NCS1: variants seen among roughly 807,000 people sequenced by gnomAD.
NCS1 encodes the protein neuronal calcium sensor 1.
In NCS1, 6 loss-of-function variants were observed where a neutral mutation model predicts 28.4. The observed-to-expected ratio is 0.21, with a 90% CI of 0.12 to 0.42. The LOEUF is 0.42. Ranked by LOEUF, NCS1 falls within the 10% of genes least tolerant of loss-of-function variation. NCS1 has a pLI of 1.00. For missense variants in NCS1, 131 were observed against 241.4 expected, an observed-to-expected ratio of 0.54 and a Z score of 3.03; for synonymous variants, 86 against 99.3, an observed-to-expected ratio of 0.87 and a Z score of 0.79.
intron 6 of NCS1, 150 bp downstream of exon 6, chr9:130,223,309 C>G: frequency 1.5e-6 from 1 of 679,372 alleles, no homozygotes; most frequent in Non-Finnish European, 2.6e-6. Flanking sequence ...TGCTCAGCAG[C>G]TAGCCCCATC....
At chr9:130,221,746 T>A (rs1833305258) in intron 4 of NCS1, among the ~76,000 whole-genome samples, 1 of 141,072 alleles carries the variant, frequency 7.1e-6, no homozygotes, top group African/African-American at 2.6e-5. Flanking sequence ...TATTTTTAAT[T>A]TATAAATAAA....
rs927624678 is a variant in NCS1, at chr9:130,209,465, C to A, written c.90-8367C>A. Among the ~76,000 whole-genome samples the A allele has an allele frequency of 2.0e-5, 3 of 152,200 alleles. No homozygotes were observed. Among genetic ancestry groups the A allele is most frequent in the Admixed American group, 6.5e-5 (1 of 15,276 alleles). ...TGGACCCGTGTGTCCTGGGAGCATTCAATCATTGGTTCATTTGTTCACTGA... is the reference window on the plus strand; with the variant it reads ...TGGACCCGTGTGTCCTGGGAGCATTAAATCATTGGTTCATTTGTTCACTGA... On this transcript the variant is annotated intron_variant, in intron 2 of 7. Coordinates refer to ENST00000372398, the MANE Select transcript of NCS1 (RefSeq NM_014286.4). The surrounding 1 kb of genome is among the most constrained non-coding windows in gnomAD (Gnocchi z 4.4).
intron 1 of NCS1, chr9:130,193,726 G>A (rs575013239): frequency 9.5e-4 from 146 of 153,226 alleles, no homozygotes; most frequent in Non-Finnish European, 1.6e-3. Context: ...TGAGCTGGGC[G>A]CTTGGAGGAG....
intron 1 of NCS1, among the ~76,000 whole-genome samples, chr9:130,184,633 CTTTTT>C (rs1211385861): frequency 2.0e-5 from 3 of 151,920 alleles, no homozygotes; most frequent in African/African-American, 7.2e-5. Flanking sequence ...TTTTCTTTTT[CTTTTT>C]TTGTTTTGAG....
rs1554909997 is a variant in NCS1 at position 130,219,905 on chromosome 9, T to G, written c.307+102T>G. On this transcript the variant is annotated intron_variant, in intron 4 of 7. Coordinates refer to ENST00000372398, the MANE Select transcript of NCS1 (RefSeq NM_014286.4). The surrounding 1 kb of genome is among the most constrained non-coding windows in gnomAD (Gnocchi z 5.7). ...CCAGGCAGGGGTGCCAGACACCCACTGCAGTGACCACAGATGGCGTCCCAG... is the reference window on the plus strand; with the variant it reads ...CCAGGCAGGGGTGCCAGACACCCACGGCAGTGACCACAGATGGCGTCCCAG... 8.1e-7 allele frequency: 1 copy of G among 1,231,574 alleles called. No homozygotes were observed. The highest frequency in any genetic ancestry group is 1.2e-6 in the Non-Finnish European group (1 of 843,354). 76.3% of individuals were successfully genotyped at this position (1,231,574 alleles called of 1,614,324 possible).
At position 130,215,114 on chromosome 9, in the gene NCS1, C is replaced by T. The variant is rs1363522534; in HGVS notation, c.90-2718C>T. Among the ~76,000 whole-genome samples the T allele has an allele frequency of 3.3e-5, 5 of 152,160 alleles. No individual in the cohort carries two copies. Among genetic ancestry groups the T allele is most frequent in the Admixed American group, 6.5e-5 (1 of 15,272 alleles). ...TTGTGGATAAGTTAGAAGGTTTGCA[C>T]GAAGAAGAAGTAACCATCTGACATC... On this transcript the variant is annotated intron_variant, in intron 2 of 7. Transcript: ENST00000372398. This position sits in a 1 kb window ranked among gnomAD's most constrained non-coding sequence, Gnocchi z 4.2.
At chr9:130,179,995 TTATCTATCTATCTATCTATCTATCTATC>T (rs56120429) in intron 1 of NCS1, among the ~76,000 whole-genome samples, 19 of 145,262 alleles carry the variant, frequency 1.3e-4, no homozygotes, top group South Asian at 4.7e-4. Flanking sequence ...TGCCTTCTTT[TTATCTATCTATCTATCTATCTATCTATC>T]TATCTATCTA....
chr9:130,183,600 A>G (rs1286671064), intron 1 of NCS1, among the ~76,000 whole-genome samples: 1 of 151,786 alleles, frequency 6.6e-6, no homozygotes, highest in East Asian at 1.9e-4. Flanking sequence ...CGGCTCCCCC[A>G]CAGCCCTAGC....
intron 2 of NCS1, among the ~76,000 whole-genome samples, chr9:130,216,940 C>T (rs1465203439): frequency 2.0e-5 from 3 of 149,772 alleles, no homozygotes; most frequent in Non-Finnish European, 4.5e-5. Context: ...GTTAAACTGC[C>T]TACAGGAGCC....
Position 130,175,626 on chromosome 9 carries a change from G to A in NCS1, c.64+2899G>A, listed in dbSNP as rs1462116392. Among the ~76,000 whole-genome samples, 1 of 152,122 alleles carries A rather than the reference G, an allele frequency of 6.6e-6. No homozygotes were observed. The highest frequency in any genetic ancestry group is 2.4e-5 in the African/African-American group (1 of 41,426). ...AGAGGGGAGCCATGGGTCCACGTCC[G>A]AGTCGGTGCTGGGCAGTGTCCTTGG... On this transcript the variant is annotated intron_variant, in intron 1 of 7. Coordinates refer to ENST00000372398, the MANE Select transcript of NCS1 (RefSeq NM_014286.4). The surrounding 1 kb of genome is among the most constrained non-coding windows in gnomAD (Gnocchi z 4.9).
chr9:130,186,754 G>A lies in NCS1; in HGVS notation c.64+14027G>A, dbSNP rs115479515. ...AGCCCTGAGAGGGTCCCAAGGAGGT[G>A]TCAAGGTTTGGCAACTCTGGGGACA... is the stretch of plus-strand genomic sequence containing the variant. On this transcript the variant is annotated intron_variant, in intron 1 of 7. Coordinates refer to ENST00000372398, the MANE Select transcript of NCS1 (RefSeq NM_014286.4). This position sits in a 1 kb window ranked among gnomAD's most constrained non-coding sequence, Gnocchi z 4.1. 6.6e-6 allele frequency among the ~76,000 whole-genome samples: 1 copy of A among 152,190 alleles called. No homozygotes were observed. Among genetic ancestry groups the A allele is most frequent in the Non-Finnish European group, 1.5e-5 (1 of 68,028 alleles).
chr9:130,199,897 G>GTTCATTCATTCATTCATTCATTCA (rs71499223), intron 1 of NCS1, among the ~76,000 whole-genome samples: 15 of 150,506 alleles, frequency 1.0e-4, no homozygotes, highest in African/African-American at 1.5e-4. Flanking sequence ...CTGTTCATGT[G>GTTCATTCATTCATTCATTCATTCA]TTCATTCATT....
At position 130,186,818 on chromosome 9, in the gene NCS1, C is replaced by T. The variant is rs77181189; in HGVS notation, c.64+14091C>T. 1.8e-4 allele frequency among the ~76,000 whole-genome samples: 27 copies of T among 152,314 alleles called. No homozygotes were observed. In the East Asian group the frequency reaches 5.2e-3, roughly 29 times the overall value. ...TGACTGCAGCATAGAGGGCCTGTGG[C>T]CGTGAGGGTGCTGATGGCGGGAGGG... On this transcript the variant is annotated intron_variant, in intron 1 of 7. Transcript: ENST00000372398. This position sits in a 1 kb window ranked among gnomAD's most constrained non-coding sequence, Gnocchi z 4.1.
chr9:130,208,666 C>T (rs139301123), intron 2 of NCS1, among the ~76,000 whole-genome samples: 1 of 152,188 alleles, frequency 6.6e-6, no homozygotes, highest in Non-Finnish European at 1.5e-5. Flanking sequence ...ATTCTGTCCT[C>T]GCATCAACAC....
chr9:130,195,317 C>T (rs373783110), intron 1 of NCS1, among the ~76,000 whole-genome samples: 14 of 152,320 alleles, frequency 9.2e-5, no homozygotes, highest in South Asian at 2.1e-4. Context: ...GTCAGACCCC[C>T]GTTGGCCCTC....
In NCS1 at chr9:130,180,244, G is replaced by T. The variant is rs1216391395; in HGVS notation, c.64+7517G>T. 6.6e-6 allele frequency among the ~76,000 whole-genome samples: 1 copy of T among 152,184 alleles called. No individual in the cohort carries two copies. The highest frequency in any genetic ancestry group is 1.9e-4 in the East Asian group (1 of 5,162). ...AGATGGGGTCTTGCCATTTTGGCCA[G>T]GTTGGTCTCAAACTCCTAGCCTCAA... On this transcript the variant is annotated intron_variant, in intron 1 of 7. Coordinates refer to ENST00000372398, the MANE Select transcript of NCS1 (RefSeq NM_014286.4). The surrounding 1 kb of genome is among the most constrained non-coding windows in gnomAD (Gnocchi z 4.5).
chr9:130,204,524 A>G (rs1554907840), intron 2 of NCS1, among the ~76,000 whole-genome samples: 1 of 152,038 alleles, frequency 6.6e-6, no homozygotes, highest in Admixed American at 6.5e-5. Context: ...TCTGGCCTCA[A>G]GCAATCCTCC....
At position 130,181,829 on chromosome 9, in the gene NCS1, C is replaced by T. The variant is rs797042047; in HGVS notation, c.64+9102C>T. 2.0e-5 allele frequency among the ~76,000 whole-genome samples: 3 copies of T among 151,882 alleles called. No homozygotes were observed. Among genetic ancestry groups the T allele is most frequent in the African/African-American group, 4.8e-5 (2 of 41,396 alleles). ...CCGAGCGTGAGTGACGGGGTCATGG[C>T]GTGTGTCAGGAGTGGGTGAGCCGGG... On this transcript the variant is annotated intron_variant, in intron 1 of 7. Coordinates refer to ENST00000372398, the MANE Select transcript of NCS1 (RefSeq NM_014286.4). The surrounding 1 kb of genome is among the most constrained non-coding windows in gnomAD (Gnocchi z 5.0).
At chr9:130,188,019 G>C (rs1268140191) in intron 1 of NCS1, among the ~76,000 whole-genome samples, 3 of 152,232 alleles carry the variant, frequency 2.0e-5, no homozygotes, top group African/African-American at 7.2e-5. Flanking sequence ...TGGGGAGATG[G>C]GGGGTGGTGG....
Sources: gnomAD v4.1 joint callset for allele counts (sites outside exome capture counted in the v4.1 genomes callset) on GRCh38, gnomAD v4.1.1 for gene constraint, Gnocchi (gnomAD v3.1) non-coding constraint, MANE v1.5 for transcripts, NCBI Gene and HGNC (gene_info 2026-07-23, HGNC 2026-07-21) for gene names.